The following GALNT13 variants were observed in gnomAD, a reference collection of about 807,000 sequenced individuals.
GALNT13 encodes polypeptide N-acetylgalactosaminyltransferase 13.
Under a neutral mutation model 64.2 loss-of-function variants are expected in GALNT13, and 28 were observed. The observed-to-expected ratio is 0.44, with a 90% CI of 0.32 to 0.60. The LOEUF (loss-of-function observed/expected upper bound fraction) is 0.60, where lower values mean the gene tolerates loss of function less well. Among genes scored for constraint, GALNT13 ranks in the 20% least tolerant of loss-of-function variants. The pLI is 0.05. For missense variants in GALNT13, 577 were observed against 669.8 expected (o/e 0.86, Z 1.53); for synonymous variants, 214 against 224.6 (o/e 0.95, Z 0.42).
At chr2:153,291,590 A>G in the GALNT13 span, among the ~76,000 whole-genome samples, 120 of 152,098 alleles carry the variant, frequency 7.9e-4, 1 homozygote, top group South Asian at 0.012. Flanking sequence ...GTTACCCAAA[A>G]CTGGAAGGCG....
intron 9 of GALNT13, among the ~76,000 whole-genome samples, chr2:154,356,956 T>G: frequency 6.6e-6 from 1 of 152,012 alleles, no homozygotes; most frequent in East Asian, 1.9e-4. Flanking sequence ...ATGATCTATA[T>G]AAATATAGAT....
At chr2:154,266,281 A>G (rs1188753567) in intron 8 of GALNT13, among the ~76,000 whole-genome samples, 1 of 152,208 alleles carries the variant, frequency 6.6e-6, no homozygotes, top group Non-Finnish European at 1.5e-5. Context: ...CACAGCAACA[A>G]GGTCGGAAGA....
chr2:153,895,613 T>C (rs1284852526), intron 1 of GALNT13, among the ~76,000 whole-genome samples: 1 of 152,082 alleles, frequency 6.6e-6, no homozygotes, highest in Non-Finnish European at 1.5e-5. Context: ...ACAAACACTT[T>C]GTCATGACTA....
chr2:153,417,007 T>C, the GALNT13 span, among the ~76,000 whole-genome samples: 1 of 151,980 alleles, frequency 6.6e-6, no homozygotes, highest in Non-Finnish European at 1.5e-5. Flanking sequence ...AGGAGAAAGA[T>C]AGGAAGTGCT....
chr2:153,482,532 C>T, the GALNT13 span, among the ~76,000 whole-genome samples: 1,388 of 152,276 alleles, frequency 9.1e-3, 24 homozygotes, highest in African/African-American at 0.031. Flanking sequence ...TGCAGTGGCA[C>T]GATCTGGGCT....
At chr2:153,136,559 A>G in the GALNT13 span, among the ~76,000 whole-genome samples, 8 of 152,064 alleles carry the variant, frequency 5.3e-5, no homozygotes, top group South Asian at 2.1e-4. Context: ...AAGTAGAGAA[A>G]TATTTTTCAG....
At chr2:153,083,437 C>G in the GALNT13 span, among the ~76,000 whole-genome samples, 18 of 152,240 alleles carry the variant, frequency 1.2e-4, no homozygotes, top group African/African-American at 4.3e-4. Flanking sequence ...GCTATTCTTG[C>G]AGGAGTAAGG....
At chr2:154,306,142 TTTA>T (rs70983715) in intron 9 of GALNT13, among the ~76,000 whole-genome samples, 5 of 151,328 alleles carry the variant, frequency 3.3e-5, no homozygotes, top group South Asian at 4.2e-4. Flanking sequence ...ATAAATCTCT[TTTA>T]TTATTATTAT....
intron 4 of GALNT13, among the ~76,000 whole-genome samples, chr2:154,217,136 G>C (rs745948412): frequency 6.6e-6 from 1 of 151,766 alleles, no homozygotes; most frequent in African/African-American, 2.4e-5. Flanking sequence ...CTTACAAAAA[G>C]ACTTTTATAT....
the GALNT13 span, among the ~76,000 whole-genome samples, chr2:153,226,181 C>T: frequency 6.6e-6 from 1 of 152,038 alleles, no homozygotes; most frequent in South Asian, 2.1e-4. Flanking sequence ...ATCCACCCAC[C>T]TCAGCCTCCC....
chr2:153,355,804 A>G, the GALNT13 span, among the ~76,000 whole-genome samples: 11 of 152,354 alleles, frequency 7.2e-5, no homozygotes, highest in African/African-American at 2.6e-4. Context: ...ACTCATCCAG[A>G]GTTTTCAAAA....
At position 153,944,656 on chromosome 2, in the gene GALNT13, C is replaced by T; in HGVS notation, c.142+17C>T. Reference sequence around the variant, plus strand: ...CATTGAGGGGTAAGTGCTTATGAAGCAAATACTGTCTTTATAGAGATGAGA... The same window carrying T: ...CATTGAGGGGTAAGTGCTTATGAAGTAAATACTGTCTTTATAGAGATGAGA... On this transcript the variant is annotated intron_variant, in intron 3 of 12. Coordinates refer to ENST00000392825, the MANE Select transcript of GALNT13 (RefSeq NM_052917.4). The T allele has an allele frequency of 6.2e-7, 1 of 1,603,964 alleles. No individual in the cohort carries two copies. Among genetic ancestry groups the T allele is most frequent in the Non-Finnish European group, 8.5e-7 (1 of 1,172,960 alleles).
intron 3 of GALNT13, among the ~76,000 whole-genome samples, chr2:153,970,523 T>C (rs1659069639): frequency 1.3e-5 from 2 of 152,208 alleles, no homozygotes; most frequent in African/African-American, 4.8e-5. Flanking sequence ...GTGATCTCTT[T>C]GAATATATTG....
At chr2:154,123,526 A>G (rs1448414048) in intron 3 of GALNT13, among the ~76,000 whole-genome samples, 1 of 151,972 alleles carries the variant, frequency 6.6e-6, no homozygotes, top group Non-Finnish European at 1.5e-5. Flanking sequence ...ACACTGAATA[A>G]CATGGCTACA....
chr2:154,024,525 C>T (rs1209823023), intron 3 of GALNT13, among the ~76,000 whole-genome samples: 1 of 152,178 alleles, frequency 6.6e-6, no homozygotes, highest in African/African-American at 2.4e-5. Flanking sequence ...GCTCTCGTGC[C>T]TTGGTTTTCA....
At chr2:153,991,022 G>C (rs1461269014) in intron 3 of GALNT13, among the ~76,000 whole-genome samples, 1 of 152,104 alleles carries the variant, frequency 6.6e-6, no homozygotes, top group Non-Finnish European at 1.5e-5. Flanking sequence ...CAAATCTCTG[G>C]GGACATATGT....
At position 154,251,599 on chromosome 2, in the gene GALNT13, A is replaced by G. The variant is rs118151594; in HGVS notation, c.857+5617A>G. ...AGCTTCCATGTCTAGAGCCTAAGCC[A>G]GCATAAAGTCTTAAAGTAACAATTT... On this transcript the variant is annotated intron_variant, in intron 7 of 12. Transcript: ENST00000392825. Among the ~76,000 whole-genome samples, 64 of 152,320 alleles carry G rather than the reference A, an allele frequency of 4.2e-4. 3 individuals are homozygous for G. The East Asian group carries it at 0.012, about 29-fold the overall frequency.
At chr2:153,618,747 T>C in the GALNT13 span, among the ~76,000 whole-genome samples, 5 of 152,056 alleles carry the variant, frequency 3.3e-5, 1 homozygote, top group Non-Finnish European at 7.4e-5. Flanking sequence ...CCTTGCTCAA[T>C]TGACCCTTTT....
intron 1 of GALNT13, among the ~76,000 whole-genome samples, chr2:153,873,412 T>C (rs1358263499): frequency 2.0e-4 from 31 of 152,344 alleles, no homozygotes; most frequent in Admixed American, 2.0e-3. Context: ...CCCGATTCTT[T>C]GACTATGGTT....
Sources: gnomAD v4.1 joint callset for allele counts (sites outside exome capture counted in the v4.1 genomes callset) on GRCh38, gnomAD v4.1.1 for gene constraint, MANE v1.5 for transcripts, NCBI Gene and HGNC (gene_info 2026-07-23, HGNC 2026-07-21) for gene names.